Variants in RNF17 observed in about 807,000 individuals in gnomAD.
The protein encoded by RNF17 is ring finger protein 17.
Under a neutral mutation model 200.5 loss-of-function variants are expected in RNF17, and 31 were observed. The observed-to-expected ratio is 0.15, with a 90% CI of 0.12 to 0.21. RNF17 has a LOEUF of 0.21. Ranked by LOEUF, RNF17 falls within the 10% of genes least tolerant of loss-of-function variation. The pLI is 1.00. For missense variants in RNF17, 1,628 were observed against 1,905.1 expected, an observed-to-expected ratio of 0.85 and a Z score of 2.71; for synonymous variants, 606 against 637.8, an observed-to-expected ratio of 0.95 and a Z score of 0.75.
intron 4 of RNF17, 114 bp from the exon 5 acceptor site, chr13:24,779,553 A>G (rs1211208585): frequency 1.9e-5 from 13 of 671,156 alleles, no homozygotes; most frequent in African/African-American, 7.3e-5. Flanking sequence ...TAGTGAGTCT[A>G]TGTTGCTTTT....
At chr13:24,836,182 T>C (rs1889976263) in intron 18 of RNF17, among the ~76,000 whole-genome samples, 1 of 152,208 alleles carries the variant, frequency 6.6e-6, no homozygotes, top group African/African-American at 2.4e-5. Context: ...ACTTCTCTTC[T>C]TCCTCAGGAA....
At chr13:24,844,925 T>G in intron 21 of RNF17, 36 bp from the exon 22 acceptor site, 1 of 1,555,866 alleles carries the variant, frequency 6.4e-7, no homozygotes, top group Non-Finnish European at 8.8e-7. Flanking sequence ...TTCGAAATGT[T>G]GTTTGTCTGT....
chr13:24,844,349 C>G (rs1188418281), intron 20 of RNF17, among the ~76,000 whole-genome samples: 1 of 151,932 alleles, frequency 6.6e-6, no homozygotes, highest in Non-Finnish European at 1.5e-5. Flanking sequence ...AAAACTAAAG[C>G]ATTTAGGGAG....
At chr13:24,812,674 G>A (rs868230770) in intron 15 of RNF17, among the ~76,000 whole-genome samples, 2 of 24,094 alleles carry the variant, frequency 8.3e-5, no homozygotes, top group Non-Finnish European at 1.6e-4. Context: ...TCCCCTCCCC[G>A]CCCCACCCCC....
At position 24,779,724 on chromosome 13, in the gene RNF17, G is replaced by A. The variant is rs201100028; in HGVS notation, c.487G>A (p.Glu163Lys). 1.2e-5 allele frequency: 20 copies of A among 1,613,174 alleles called. No individual in the cohort carries two copies. The highest frequency in any genetic ancestry group is 1.6e-5 in the Non-Finnish European group (19 of 1,179,474). The part of the protein sequence containing the change: ...EALNTAHHSF[E>K]QLSIAGKALE... ...ATTGAATACAGCACACCATAGTTTC[G>A]AACAGTTAAGCATTGCTGGAAAAGT... Residue 163 changes from glutamate to lysine, a missense_variant, in exon 5 of 36, where the codon GAA (glutamate) becomes AAA (lysine). Transcript: ENST00000255324.
At chr13:24,833,379 A>T (rs1889638315) in intron 18 of RNF17, among the ~76,000 whole-genome samples, 1 of 152,246 alleles carries the variant, frequency 6.6e-6, no homozygotes, top group African/African-American at 2.4e-5. Context: ...GATTATACAG[A>T]CTGTATCCTT....
chr13:24,868,588 G>C lies in RNF17; in HGVS notation c.4162-12G>C, dbSNP rs748487945. ...CTTATTCTGAAATTTGAATTTTTCT[G>C]TGGTGTTTTAGGAATTGCTTTCGGC... On this transcript the variant is annotated splice_polypyrimidine_tract_variant and intron_variant, in intron 30 of 35. Coordinates refer to ENST00000255324, the MANE Select transcript of RNF17 (RefSeq NM_031277.3). The C allele has an allele frequency of 8.1e-6, 11 of 1,362,912 alleles. No individual in the cohort carries two copies. The highest frequency in any genetic ancestry group is 1.5e-5 in the African/African-American group (1 of 68,222). The allele number at this position is 1,362,912 out of a possible 1,614,324, so 84.4% of individuals were successfully genotyped here. A position where few individuals can be genotyped will look rare whatever the true frequency, so the allele number is the denominator to read the frequency against.
In RNF17 at chr13:24,781,914, T is replaced by G; in HGVS notation, c.581T>G (p.Phe194Cys). ...GTTATAGAAGTTGTGGAGAAACAGT[T>G]TGACCAACTTTTGGCTTTTTTTGAT... ...ERVIEVVEKQFDQLLAFFDSR... is the reference protein window; with the variant it reads ...ERVIEVVEKQCDQLLAFFDSR... The change falls in exon 6 of 36, where the codon TTT becomes TGT. Residue 194 changes from phenylalanine (F) to cysteine (C), a missense_variant. Transcript: ENST00000255324. 1 of 1,613,124 alleles carries G rather than the reference T, an allele frequency of 6.2e-7. No homozygotes were observed. The highest frequency in any genetic ancestry group is 8.5e-7 in the Non-Finnish European group (1 of 1,179,626).
At chr13:24,847,543 A>C (rs1169253493) in intron 22 of RNF17, among the ~76,000 whole-genome samples, 1 of 152,016 alleles carries the variant, frequency 6.6e-6, no homozygotes, top group East Asian at 1.9e-4. Context: ...ATGAGGTTTC[A>C]CCATGTTGGC....
chr13:24,774,849 C>G lies in RNF17; in HGVS notation c.262C>G (p.Pro88Ala). The change falls in exon 3 of 36, where the codon CCA becomes GCA. Residue 88 changes from proline (P) to alanine (A), a missense_variant. Physicochemically the swap from Pro to Ala is conservative, Grantham distance 27 (BLOSUM62 -1). Coordinates refer to ENST00000255324, the MANE Select transcript of RNF17 (RefSeq NM_031277.3). ...TGTAAATACTAGACAACGCTACTACCCAATGGCTGGATATATTAAGGAAGA... is the reference window on the plus strand; with the variant it reads ...TGTAAATACTAGACAACGCTACTACGCAATGGCTGGATATATTAAGGAAGA... ...TAVNTRQRYY[P>A]MAGYIKEDSI... 6.2e-7 allele frequency: 1 copy of G among 1,612,558 alleles called. No individual in the cohort carries two copies. The highest frequency in any genetic ancestry group is 8.5e-7 in the Non-Finnish European group (1 of 1,178,888).
intron 7 of RNF17, among the ~76,000 whole-genome samples, chr13:24,789,129 A>G (rs1427077055): frequency 2.0e-5 from 3 of 152,160 alleles, no homozygotes; most frequent in Non-Finnish European, 4.4e-5. Context: ...TTCTCTGATC[A>G]TGTAGCTCTA....
Position 24,844,795 on chromosome 13 carries a change from T to C in RNF17, c.2975T>C (p.Leu992Ser). ...GQIIRMVTDT[L>S]VEVLLYDVGV... ...ATCATCAGAATGGTTACAGACACATTGGTAGAGGTAAATTACAGAGTTAAA... is the reference window on the plus strand; with the variant it reads ...ATCATCAGAATGGTTACAGACACATCGGTAGAGGTAAATTACAGAGTTAAA... The change falls in exon 21 of 36, where the codon TTG becomes TCG. Residue 992 changes from leucine (L) to serine (S), a missense_variant. Physicochemically the swap from Leu to Ser is moderately radical, Grantham distance 145. Transcript: ENST00000255324. 1 of 1,610,842 alleles carries C rather than the reference T, an allele frequency of 6.2e-7. No individual in the cohort carries two copies. The highest frequency in any genetic ancestry group is 8.5e-7 in the Non-Finnish European group (1 of 1,179,120).
upstream of RNF17, among the ~76,000 whole-genome samples, chr13:24,759,475 C>T (rs1263885884): frequency 6.6e-6 from 1 of 152,142 alleles, no homozygotes; most frequent in Non-Finnish European, 1.5e-5. Flanking sequence ...CTCCAGCATG[C>T]ACATTCTAAA....
intron 15 of RNF17, among the ~76,000 whole-genome samples, chr13:24,814,411 CT>C (rs2137860653): frequency 6.6e-6 from 1 of 152,252 alleles, no homozygotes; most frequent in South Asian, 2.1e-4. Flanking sequence ...ATTATTGTTT[CT>C]TTTGTTGCTT....
chr13:24,866,325 A>G (rs1204867529), intron 30 of RNF17, 122 bp downstream of exon 30: 1 of 566,918 alleles, frequency 1.8e-6, no homozygotes, highest in South Asian at 2.5e-5. Flanking sequence ...GAATTTACCT[A>G]TTGAATATAC....
At chr13:24,858,919 C>T in intron 25 of RNF17, 82 bp from the exon 26 acceptor site, 1 of 886,322 alleles carries the variant, frequency 1.1e-6, no homozygotes, top group African/African-American at 1.7e-5. Context: ...TTTAATTATA[C>T]TACTGAAGAA....
At chr13:24,779,580 C>T in intron 4 of RNF17, 87 bp from the exon 5 acceptor site, 1 of 981,158 alleles carries the variant, frequency 1.0e-6, no homozygotes, top group Non-Finnish European at 1.5e-6. Flanking sequence ...AAAACGGTAG[C>T]CTGAATTTTT....
At chr13:24,804,626 G>A (rs1048463244) in intron 15 of RNF17, among the ~76,000 whole-genome samples, 197 bp downstream of exon 15, 1 of 152,036 alleles carries the variant, frequency 6.6e-6, no homozygotes, top group African/African-American at 2.4e-5. Flanking sequence ...GAACAATGAA[G>A]GATAATTAAT....
rs1483318678 is a variant in RNF17 at position 24,879,373 on chromosome 13, T to C, written c.*10+78T>C. 3 of 918,884 alleles carry C rather than the reference T, an allele frequency of 3.3e-6. No individual in the cohort carries two copies. In the African/African-American group the frequency reaches 5.0e-5, roughly 15 times the overall value. The allele number at this position is 918,884 out of a possible 1,614,324, so 56.9% of individuals were successfully genotyped here. A position where few individuals can be genotyped will look rare whatever the true frequency, so the allele number is the denominator to read the frequency against. On this transcript the variant is annotated intron_variant, in intron 35 of 35. Coordinates refer to ENST00000255324, the MANE Select transcript of RNF17 (RefSeq NM_031277.3). The stretch of plus-strand genomic sequence containing the variant: ...GCTAGATTGATCAGAAAAGCACCCG[T>C]GGATTTTCCTTGATTTCTCAAAGGA...
Sources: gnomAD v4.1 joint callset for allele counts (sites outside exome capture counted in the v4.1 genomes callset) on GRCh38, gnomAD v4.1.1 for gene constraint, MANE v1.5 for transcripts, NCBI Gene and HGNC (gene_info 2026-07-23, HGNC 2026-07-21) for gene names.